Variants in SLC25A37 observed in about 807,000 individuals in gnomAD.
The protein encoded by SLC25A37 is solute carrier family 25 member 37, also known as mitoferrin-1.
A neutral mutation model predicts 31.0 loss-of-function variants in SLC25A37; 17 were observed. That is an observed-to-expected ratio of 0.55 (90% CI 0.38 to 0.82). The LOEUF (loss-of-function observed/expected upper bound fraction) is 0.82. SLC25A37 is among the 40% of genes least tolerant of loss of function. The pLI is 0.00. For synonymous variants in SLC25A37, 222 were observed against 193.0 expected, an observed-to-expected ratio of 1.15 and a Z score of -1.24; for missense variants, 404 against 465.8, an observed-to-expected ratio of 0.87 and a Z score of 1.22.
At chr8:23,564,920 C>G (rs1432789876) in intron 1 of SLC25A37, among the ~76,000 whole-genome samples, 1 of 152,144 alleles carries the variant, frequency 6.6e-6, no homozygotes, top group Non-Finnish European at 1.5e-5. Context: ...ACCTACCTAT[C>G]TGTCTGATCT....
At chr8:23,542,678 CTT>C (rs35952455) in intron 1 of SLC25A37, among the ~76,000 whole-genome samples, 1,785 of 93,094 alleles carry the variant, frequency 0.019, 26 homozygotes, top group Non-Finnish European at 0.026. Context: ...CGCCCCTGGC[CTT>C]TTTTTTTTTT....
rs753183160 is a variant in SLC25A37, at chr8:23,528,959, C to G, written c.-44C>G. On this transcript the variant is annotated 5_prime_UTR_variant, in exon 1 of 4. Coordinates refer to ENST00000519973, the MANE Select transcript of SLC25A37 (RefSeq NM_016612.4). Reference sequence around the variant, plus strand: ...GTGAAGTTTTGCGCCCCTCCCCCTCCCTGCCCACCTCCTGCAGCCTCCTGC... The same window carrying G: ...GTGAAGTTTTGCGCCCCTCCCCCTCGCTGCCCACCTCCTGCAGCCTCCTGC... 7.1e-7 allele frequency: 1 copy of G among 1,404,256 alleles called. No individual in the cohort carries two copies. Among genetic ancestry groups the G allele is most frequent in the Non-Finnish European group, 9.3e-7 (1 of 1,075,898 alleles). 87.0% of individuals were successfully genotyped at this position (1,404,256 alleles called of 1,614,324 possible).
intron 1 of SLC25A37, among the ~76,000 whole-genome samples, chr8:23,532,688 C>G (rs563613586): frequency 6.6e-6 from 1 of 152,298 alleles, no homozygotes; most frequent in South Asian, 2.1e-4. Flanking sequence ...TAGGATGAGC[C>G]CTCCTTCCCA....
chr8:23,540,524 C>T (rs764425512), intron 1 of SLC25A37, among the ~76,000 whole-genome samples: 11 of 152,108 alleles, frequency 7.2e-5, no homozygotes, highest in Non-Finnish European at 1.5e-4. Context: ...CTCCAGCAAG[C>T]AAGGAAGAAG....
At chr8:23,569,427 A>ACACACT (rs1182003929) in intron 3 of SLC25A37, among the ~76,000 whole-genome samples, 2 of 151,270 alleles carry the variant, frequency 1.3e-5, no homozygotes, top group East Asian at 2.0e-4. Context: ...ACACACACAC[A>ACACACT]CTCACTCTCT....
chr8:23,537,102 G>C (rs573916306), intron 1 of SLC25A37, among the ~76,000 whole-genome samples: 2 of 151,654 alleles, frequency 1.3e-5, no homozygotes, highest in Admixed American at 6.6e-5. Flanking sequence ...AGGCTGAGGT[G>C]GGGGAATTGC....
intron 1 of SLC25A37, among the ~76,000 whole-genome samples, chr8:23,544,041 G>T (rs1801971643): frequency 6.6e-6 from 1 of 151,980 alleles, no homozygotes; most frequent in Admixed American, 6.6e-5. Context: ...TGTATTTTTA[G>T]TAGCGATGGG....
At chr8:23,556,356 G>A (rs1200930931) in intron 1 of SLC25A37, among the ~76,000 whole-genome samples, 1 of 151,008 alleles carries the variant, frequency 6.6e-6, no homozygotes, top group Non-Finnish European at 1.5e-5. Context: ...AAGTAGCTAA[G>A]ACCACTGGCA....
At chr8:23,561,753 A>T (rs757636561) in intron 1 of SLC25A37, among the ~76,000 whole-genome samples, 1 of 152,210 alleles carries the variant, frequency 6.6e-6, no homozygotes, top group Non-Finnish European at 1.5e-5. Flanking sequence ...CTGAGTCCTG[A>T]TCAAAATCAT....
chr8:23,571,420 G>A lies in SLC25A37; in HGVS notation c.582G>A (p.Leu194=), dbSNP rs776030319. The A allele has an allele frequency of 1.9e-6, 3 of 1,613,796 alleles. No homozygotes were observed. In the African/African-American group the frequency reaches 4.0e-5, roughly 22 times the overall value. Residue 194 remains leucine (L), a synonymous_variant, in exon 4 of 4, where the codon TTG becomes TTA. Transcript: ENST00000519973. ...CIRTVWRTEG[L]GAFYRSYTTQ... ...GGACGGTGTGGAGGACCGAGGGGTT[G>A]GGGGCCTTCTACCGGAGCTACACCA...
chr8:23,557,054 T>C (rs1231750351), intron 1 of SLC25A37, among the ~76,000 whole-genome samples: 1 of 152,180 alleles, frequency 6.6e-6, no homozygotes, highest in African/African-American at 2.4e-5. Context: ...TTTTGCCATG[T>C]TGGCCAGGCT....
Position 23,529,024 on chromosome 8 carries a change from G to A in SLC25A37, c.22G>A (p.Val8Met), listed in dbSNP as rs377102827. The change falls in exon 1 of 4, where the codon GTG becomes ATG. Residue 8 changes from valine to methionine, a missense_variant. By Grantham distance (21) the Val-to-Met change is conservative. Transcript: ENST00000519973. The surrounding 1 kb of genome is among the most constrained non-coding windows in gnomAD (Gnocchi z 4.1). ...GCGGATGGAGCTGCGCAGCGGGAGC[G>A]TGGGCAGCCAGGCGGTGGCGCGGAG... MELRSGS[V>M]GSQAVARRMD... The A allele has an allele frequency of 2.1e-5, 32 of 1,539,860 alleles. No individual in the cohort carries two copies. The African/African-American group carries it at 4.0e-4, about 19-fold the overall frequency.
chr8:23,533,493 C>G (rs1801702220), intron 1 of SLC25A37, among the ~76,000 whole-genome samples: 1 of 152,244 alleles, frequency 6.6e-6, no homozygotes, highest in South Asian at 2.1e-4. Flanking sequence ...ATGTGGCCAT[C>G]TCATTAGAGA....
At chr8:23,546,556 G>GTATATATATATATATATATATAGTGTA (rs1802058401) in intron 1 of SLC25A37, among the ~76,000 whole-genome samples, 24 of 42,570 alleles carry the variant, frequency 5.6e-4, no homozygotes, top group Non-Finnish European at 8.1e-4. Context: ...TATATATAGT[G>GTATATATATATATATATATATAGTGTA]TATATATATA....
Position 23,572,362 on chromosome 8 carries a change from CTAG to C in SLC25A37, c.*510_*512del, listed in dbSNP as rs1046221797. Reference sequence around the variant, plus strand: ...TGTGTGTGCTTGTGCGTGTCTACACCTAGTATTACGGCTGGGACTCTCCAGCTG... The same window carrying C: ...TGTGTGTGCTTGTGCGTGTCTACACCTATTACGGCTGGGACTCTCCAGCTG... On this transcript the variant is annotated 3_prime_UTR_variant, in exon 4 of 4. Transcript: ENST00000519973. 2 of 152,694 alleles carry C rather than the reference CTAG, an allele frequency of 1.3e-5. No individual in the cohort carries two copies. The highest frequency in any genetic ancestry group is 2.4e-5 in the African/African-American group (1 of 40,984). 9.5% of individuals were successfully genotyped at this position (152,694 alleles called of 1,614,324 possible).
chr8:23,555,782 A>G (rs984770880), intron 1 of SLC25A37, among the ~76,000 whole-genome samples: 1 of 152,236 alleles, frequency 6.6e-6, no homozygotes, highest in Non-Finnish European at 1.5e-5. Context: ...ATTGGTGGAA[A>G]GACAGAGGAG....
chr8:23,557,702 C>CT (rs1288794972), intron 1 of SLC25A37, among the ~76,000 whole-genome samples: 2 of 152,156 alleles, frequency 1.3e-5, no homozygotes, highest in Non-Finnish European at 2.9e-5. Context: ...GGCCAGGGGG[C>CT]TGCAGGGTGA....
intron 1 of SLC25A37, among the ~76,000 whole-genome samples, chr8:23,542,131 T>C (rs12549572): frequency 0.39 from 58,601 of 152,010 alleles, 13,316 homozygotes; most frequent in East Asian, 0.61. Context: ...CCATATGTGA[T>C]GAGACAGTGA....
chr8:23,529,121 C>G lies in SLC25A37; in HGVS notation c.119C>G (p.Pro40Arg), dbSNP rs749134416. ...GGGTCGGAGGACTACGAGAACCTGC[C>G]GACTAGCGCCTCCGTGTCCACCCAC... Reference protein sequence around the residue: ...ATGSEDYENLPTSASVSTHMT... With the variant: ...ATGSEDYENLRTSASVSTHMT... Residue 40 changes from proline to arginine, a missense_variant, in exon 1 of 4, where the codon CCG becomes CGG. Physicochemically the swap from Pro to Arg is moderately radical, Grantham distance 103 (BLOSUM62 -2). Around this residue, in one of 3 missense-constraint regions of SLC25A37, gnomAD observed 154 missense variants for 153.6 expected, o/e 1.00. Transcript: ENST00000519973. This position sits in a 1 kb window ranked among gnomAD's most constrained non-coding sequence, Gnocchi z 4.1. 4 of 1,611,122 alleles carry G rather than the reference C, an allele frequency of 2.5e-6. No individual in the cohort carries two copies. The highest frequency in any genetic ancestry group is 8.5e-7 in the Non-Finnish European group (1 of 1,179,092).
Sources: allele counts gnomAD v4.1 joint callset (sites outside exome capture counted in the v4.1 genomes callset), GRCh38; gene constraint gnomAD v4.1.1; regional missense constraint gnomAD v4.1.1; non-coding constraint Gnocchi (gnomAD v3.1); transcripts MANE v1.5; gene names NCBI Gene and HGNC (gene_info 2026-07-23, HGNC 2026-07-21).